SPIN4: variants seen among roughly 807,000 people sequenced by gnomAD.
SPIN4 encodes the protein spindlin family member 4.
Under a neutral mutation model 10.4 loss-of-function variants are expected in SPIN4, and 4 were observed. The observed-to-expected ratio is 0.38, with a 90% CI of 0.19 to 0.88. The LOEUF (loss-of-function observed/expected upper bound fraction) is 0.88. Ranked by LOEUF, SPIN4 falls within the 40% of genes least tolerant of loss-of-function variation. The pLI, the probability that SPIN4 is intolerant of heterozygous loss-of-function variation, is 0.40. For missense variants in SPIN4, 126 were observed against 198.7 expected (o/e 0.63, Z 2.20); for synonymous variants, 71 against 78.4 (o/e 0.91, Z 0.50).
chrX:63,350,164 A>C lies in SPIN4; in HGVS notation c.656T>G (p.Phe219Cys). ...TGGCTTCGCCACCACTTGATGTATA[A>C]AAATGCCAGTTCTCTTGGACCCGTC... ...KDDGSKRTGI[F>C]IHQVVAKPSV... Residue 219 changes from phenylalanine to cysteine, a missense_variant, in exon 1 of 1, where the codon TTT becomes TGT. Physicochemically the swap from Phe to Cys is radical, Grantham distance 205. Coordinates refer to ENST00000374884, the MANE Select transcript of SPIN4 (RefSeq NM_001012968.3). The C allele has an allele frequency of 8.3e-7, 1 of 1,211,911 alleles. No individual in the cohort carries two copies. The highest frequency in any genetic ancestry group is 1.1e-6 in the Non-Finnish European group (1 of 895,527).
chrX:63,347,284 T>C lies in SPIN4; in HGVS notation c.*2786A>G, dbSNP rs782580372. 2 of 112,040 alleles carry C rather than the reference T, an allele frequency of 1.8e-5. No homozygotes were observed. Among genetic ancestry groups the C allele is most frequent in the East Asian group, 5.6e-4 (2 of 3,578 alleles). The allele number at this position is 112,040 out of a possible 1,213,427, so 9.2% of individuals were successfully genotyped here. A position where few individuals can be genotyped will look rare whatever the true frequency, so the allele number is the denominator to read the frequency against. ...TTTTCAGAATTAGATCTAGGTGACA[T>C]AAAATACACAAAAGCATAAAGCCAT... On this transcript the variant is annotated 3_prime_UTR_variant, in exon 1 of 1. Transcript: ENST00000374884.
In SPIN4 at chrX:63,349,967, C is replaced by T. The variant is rs1442398118; in HGVS notation, c.*103G>A. 10 of 892,986 alleles carry T rather than the reference C, an allele frequency of 1.1e-5. No individual in the cohort carries two copies. In the East Asian group the frequency reaches 3.3e-4, roughly 30 times the overall value. 73.6% of individuals were successfully genotyped at this position (892,986 alleles called of 1,213,427 possible). A position where few individuals can be genotyped will look rare whatever the true frequency, so the allele number is the denominator to read the frequency against. Reference sequence around the variant, plus strand: ...GGCACAATAAAATTTATCCACTTTCCTGAATTTCTGACACCTAAACTCTTC... The same window carrying T: ...GGCACAATAAAATTTATCCACTTTCTTGAATTTCTGACACCTAAACTCTTC... On this transcript the variant is annotated 3_prime_UTR_variant, in exon 1 of 1. Transcript: ENST00000374884.
At position 63,348,661 on chromosome X, in the gene SPIN4, G is replaced by T. The variant is rs1244313909; in HGVS notation, c.*1409C>A. 1 of 109,900 alleles carries T rather than the reference G, an allele frequency of 9.1e-6. No individual in the cohort carries two copies. The highest frequency in any genetic ancestry group is 3.8e-4 in the South Asian group (1 of 2,622). The allele number at this position is 109,900 out of a possible 1,213,427, so 9.1% of individuals were successfully genotyped here. A position where few individuals can be genotyped will look rare whatever the true frequency, so the allele number is the denominator to read the frequency against. Reference sequence around the variant, plus strand: ...TGCTTTATCGGATTCTAAAACTTACGATGAAGCCACTATAATTAAATCATG... The same window carrying T: ...TGCTTTATCGGATTCTAAAACTTACTATGAAGCCACTATAATTAAATCATG... On this transcript the variant is annotated 3_prime_UTR_variant, in exon 1 of 1. Transcript: ENST00000374884.
Position 63,349,397 on chromosome X carries a change from AAAAT to A in SPIN4, c.*669_*672del, listed in dbSNP as rs1384951512. 1 of 112,008 alleles carries A rather than the reference AAAAT, an allele frequency of 8.9e-6. No individual in the cohort carries two copies. The highest frequency in any genetic ancestry group is 3.3e-5 in the African/African-American group (1 of 30,735). 9.2% of individuals were successfully genotyped at this position (112,008 alleles called of 1,213,427 possible). On this transcript the variant is annotated 3_prime_UTR_variant, in exon 1 of 1. Transcript: ENST00000374884. The stretch of plus-strand genomic sequence containing the variant: ...TATTACAGCAGTGTTATTTTGAAAA[AAAAT>A]AAAAAAAGGAAATAAAAGACGATCA...
At position 63,348,996 on chromosome X, in the gene SPIN4, G is replaced by A. The variant is rs1251007928; in HGVS notation, c.*1074C>T. On this transcript the variant is annotated 3_prime_UTR_variant, in exon 1 of 1. Transcript: ENST00000374884. ...GAAAATATATCATCAATAAAGTCAA[G>A]ATGAAAACGTCATAACACATTAGAG... is the stretch of plus-strand genomic sequence containing the variant. 1.5e-4 allele frequency: 17 copies of A among 111,852 alleles called. No homozygotes were observed. Among genetic ancestry groups the A allele is most frequent in the African/African-American group, 5.5e-4 (17 of 30,840 alleles). The allele number at this position is 111,852 out of a possible 1,213,427, so 9.2% of individuals were successfully genotyped here. A position where few individuals can be genotyped will look rare whatever the true frequency, so the allele number is the denominator to read the frequency against.
In SPIN4 at chrX:63,350,397, G is replaced by A. The variant is rs782054502; in HGVS notation, c.423C>T (p.Val141=). 1 of 1,209,381 alleles carries A rather than the reference G, an allele frequency of 8.3e-7. No homozygotes were observed. Among genetic ancestry groups the A allele is most frequent in the East Asian group, 3.0e-5 (1 of 33,737 alleles). The change falls in exon 1 of 1, where the codon GTC becomes GTT. Residue 141 remains valine (V), a synonymous_variant. Coordinates refer to ENST00000374884, the MANE Select transcript of SPIN4 (RefSeq NM_001012968.3). The stretch of plus-strand genomic sequence containing the variant: ...TATCCATCACAGGAGCTCGCGCCAG[G>A]ACCATACCCTTCCATTCATCCTTGG... ...HGTKDEWKGM[V]LARAPVMDTW...
chrX:63,350,761 T>A lies in SPIN4; in HGVS notation c.59A>T (p.Lys20Met). The part of the protein sequence containing the change: ...GVDGVSAYLM[K>M]KRHTHRKQRR... ...TTGCTTCCTGTGGGTGTGCCTTTTC[T>A]TCATCAGGTATGCGGACACGCCATC... Residue 20 changes from lysine (K) to methionine (M), a missense_variant, in exon 1 of 1, where the codon AAG (lysine) becomes ATG (methionine). By Grantham distance (95) the Lys-to-Met change is moderately conservative. Coordinates refer to ENST00000374884, the MANE Select transcript of SPIN4 (RefSeq NM_001012968.3). The A allele has an allele frequency of 1.7e-6, 2 of 1,210,411 alleles. No individual in the cohort carries two copies. Among genetic ancestry groups the A allele is most frequent in the African/African-American group, 3.5e-5 (2 of 57,747 alleles).
rs1183370395 is a variant in SPIN4, at chrX:63,348,019, AT to A, written c.*2050del. On this transcript the variant is annotated 3_prime_UTR_variant, in exon 1 of 1. Coordinates refer to ENST00000374884, the MANE Select transcript of SPIN4 (RefSeq NM_001012968.3). ...ATAGGGAATACTATTCCCTATTAATATTTTGCATTCTTACTTCCATGAAAAT... is the reference window on the plus strand; with the variant it reads ...ATAGGGAATACTATTCCCTATTAATATTTGCATTCTTACTTCCATGAAAAT... 5.7e-4 allele frequency: 63 copies of A among 111,330 alleles called. No homozygotes were observed. The highest frequency in any genetic ancestry group is 2.0e-3 in the African/African-American group (60 of 30,710). 9.2% of individuals were successfully genotyped at this position (111,330 alleles called of 1,213,427 possible).
In SPIN4 at chrX:63,350,663, T is replaced by A; in HGVS notation, c.157A>T (p.Asn53Tyr). 1 of 1,211,496 alleles carries A rather than the reference T, an allele frequency of 8.3e-7. No homozygotes were observed. Among genetic ancestry groups the A allele is most frequent in the Non-Finnish European group, 1.1e-6 (1 of 895,335 alleles). ...CCCTTCCACTGCTCCACTGGCTCGTTGCCTTCCTTCCAGCCGTGTTGAATG... is the reference window on the plus strand; with the variant it reads ...CCCTTCCACTGCTCCACTGGCTCGTAGCCTTCCTTCCAGCCGTGTTGAATG... ...CRIQHGWKEG[N>Y]EPVEQWKGTV... Residue 53 changes from asparagine (N) to tyrosine (Y), a missense_variant, in exon 1 of 1, where the codon AAC (asparagine) becomes TAC (tyrosine). Physicochemically the swap from Asn to Tyr is moderately radical, Grantham distance 143. Transcript: ENST00000374884.
In SPIN4 at chrX:63,348,575, TG is replaced by T. The variant is rs1305541337; in HGVS notation, c.*1494del. On this transcript the variant is annotated 3_prime_UTR_variant, in exon 1 of 1. Transcript: ENST00000374884. ...AAATTCTGCATTTCATTTTTTCACA[TG>T]AAAAAATGAATGTCTAGGACATATT... 1 of 109,048 alleles carries T rather than the reference TG, an allele frequency of 9.2e-6. No individual in the cohort carries two copies. Among genetic ancestry groups the T allele is most frequent in the African/African-American group, 3.3e-5 (1 of 30,036 alleles). The allele number at this position is 109,048 out of a possible 1,213,427, so 9.0% of individuals were successfully genotyped here. A position where few individuals can be genotyped will look rare whatever the true frequency, so the allele number is the denominator to read the frequency against.
rs782186707 is a variant in SPIN4 at position 63,348,889 on chromosome X, G to C, written c.*1181C>G. The C allele has an allele frequency of 8.1e-5, 9 of 110,971 alleles. No homozygotes were observed. The highest frequency in any genetic ancestry group is 1.7e-4 in the Non-Finnish European group (9 of 52,902). The allele number at this position is 110,971 out of a possible 1,213,427, so 9.1% of individuals were successfully genotyped here. On this transcript the variant is annotated 3_prime_UTR_variant, in exon 1 of 1. Transcript: ENST00000374884. ...GTGAATATTTGTATGACTTTGGGTG[G>C]GGGCATCCATGTGATAAAAAAAGGA...
Position 63,350,805 on chromosome X carries a change from G to A in SPIN4, c.15C>T (p.Thr5=), listed in dbSNP as rs200073797. The A allele has an allele frequency of 1.3e-5, 16 of 1,198,232 alleles. No individual in the cohort carries two copies. Among genetic ancestry groups the A allele is most frequent in the African/African-American group, 1.7e-5 (1 of 57,714 alleles). MSPP[T]VPPMGVDGVS... is the part of the protein sequence containing the mutation. ...CGCCATCTACCCCCATCGGAGGCAC[G>A]GTTGGAGGAGACATAGCTCAGGGAT... Residue 5 remains threonine, a synonymous_variant, in exon 1 of 1, where the codon ACC becomes ACT. Transcript: ENST00000374884.
In SPIN4 at chrX:63,350,056, A is replaced by G; in HGVS notation, c.*14T>C. The G allele has an allele frequency of 8.4e-7, 1 of 1,185,191 alleles. No individual in the cohort carries two copies. The highest frequency in any genetic ancestry group is 1.8e-5 in the African/African-American group (1 of 57,096). ...TCTAACAGATCCACAACTTCTCTAA[A>G]GAGCACAAAGAATTTAAGGAGTTTT... On this transcript the variant is annotated 3_prime_UTR_variant, in exon 1 of 1. Coordinates refer to ENST00000374884, the MANE Select transcript of SPIN4 (RefSeq NM_001012968.3).
Position 63,351,181 on chromosome X carries a change from T to C in SPIN4, c.-362A>G, listed in dbSNP as rs1399478110. 2.8e-5 allele frequency: 5 copies of C among 179,122 alleles called. No individual in the cohort carries two copies. Among genetic ancestry groups the C allele is most frequent in the Non-Finnish European group, 5.6e-5 (5 of 89,503 alleles). 14.8% of individuals were successfully genotyped at this position (179,122 alleles called of 1,213,427 possible). Reference sequence around the variant, plus strand: ...GCCACTTAGCTGTTGTCGATGCTGGTGCGGCTGCGGCACGGCGGCAGAGGA... The same window carrying C: ...GCCACTTAGCTGTTGTCGATGCTGGCGCGGCTGCGGCACGGCGGCAGAGGA... On this transcript the variant is annotated 5_prime_UTR_variant, in exon 1 of 1. Transcript: ENST00000374884.
In SPIN4 at chrX:63,349,729, A is replaced by G; in HGVS notation, c.*341T>C. 1 of 149,676 alleles carries G rather than the reference A, an allele frequency of 6.7e-6. No individual in the cohort carries two copies. 12.3% of individuals were successfully genotyped at this position (149,676 alleles called of 1,213,427 possible). On this transcript the variant is annotated 3_prime_UTR_variant, in exon 1 of 1. Coordinates refer to ENST00000374884, the MANE Select transcript of SPIN4 (RefSeq NM_001012968.3). ...CCTCAACACTTGTTTTCTGGGAAGA[A>G]ACAAGGTAAGGAAAGGAAGGGGTAA... is the stretch of plus-strand genomic sequence containing the variant.
At position 63,349,846 on chromosome X, in the gene SPIN4, C is replaced by A. The variant is rs1261980550; in HGVS notation, c.*224G>T. 2 of 357,344 alleles carry A rather than the reference C, an allele frequency of 5.6e-6. No individual in the cohort carries two copies. The highest frequency in any genetic ancestry group is 9.5e-6 in the Non-Finnish European group (2 of 209,589). 29.4% of individuals were successfully genotyped at this position (357,344 alleles called of 1,213,427 possible). On this transcript the variant is annotated 3_prime_UTR_variant, in exon 1 of 1. Coordinates refer to ENST00000374884, the MANE Select transcript of SPIN4 (RefSeq NM_001012968.3). ...AACACTTTTTAATTTTCTATTAGCA[C>A]CCAATTTAACTGTTAAGTTACAGAA...
Position 63,350,845 on chromosome X carries a change from GA to G in SPIN4, c.-27del. 3 of 1,177,903 alleles carry G rather than the reference GA, an allele frequency of 2.5e-6. No homozygotes were observed. Among genetic ancestry groups the G allele is most frequent in the Non-Finnish European group, 3.4e-6 (3 of 876,841 alleles). ...AGCTCAGGGATTAAGAGGGCTTGGG[GA>G]AAGCTGCTGCCCTGGTCGATTAAAC... is the stretch of plus-strand genomic sequence containing the variant. On this transcript the variant is annotated 5_prime_UTR_variant, in exon 1 of 1. Transcript: ENST00000374884.
rs1446697641 is a variant in SPIN4, at chrX:63,351,157, C to T, written c.-338G>A. On this transcript the variant is annotated 5_prime_UTR_variant, in exon 1 of 1. Transcript: ENST00000374884. Reference sequence around the variant, plus strand: ...CCCCGACCCCAAGTCCCCGAATCGGCCACTTAGCTGTTGTCGATGCTGGTG... The same window carrying T: ...CCCCGACCCCAAGTCCCCGAATCGGTCACTTAGCTGTTGTCGATGCTGGTG... The T allele has an allele frequency of 1.1e-4, 24 of 212,866 alleles. No individual in the cohort carries two copies. Among genetic ancestry groups the T allele is most frequent in the Non-Finnish European group, 1.8e-5 (2 of 110,406 alleles). 17.5% of individuals were successfully genotyped at this position (212,866 alleles called of 1,213,427 possible).
Position 63,350,924 on chromosome X carries a change from A to C in SPIN4, c.-105T>G. The C allele has an allele frequency of 1.0e-6, 1 of 990,966 alleles. No individual in the cohort carries two copies. Among genetic ancestry groups the C allele is most frequent in the Non-Finnish European group, 1.4e-6 (1 of 738,746 alleles). 81.7% of individuals were successfully genotyped at this position (990,966 alleles called of 1,213,427 possible). A position where few individuals can be genotyped will look rare whatever the true frequency, so the allele number is the denominator to read the frequency against. On this transcript the variant is annotated 5_prime_UTR_variant, in exon 1 of 1. Coordinates refer to ENST00000374884, the MANE Select transcript of SPIN4 (RefSeq NM_001012968.3). ...GATATATATATTTTTTGCGATCTCA[A>C]AGACCTGGTCTGTGCTCCCTTCTCC... is the stretch of plus-strand genomic sequence containing the variant.
Sources: allele counts gnomAD v4.1 joint callset, GRCh38; gene constraint gnomAD v4.1.1; transcripts MANE v1.5; gene names NCBI Gene and HGNC (gene_info 2026-07-23, HGNC 2026-07-21).